DLGAP4: variants seen among roughly 807,000 people sequenced by gnomAD.
The protein encoded by DLGAP4 is disks large-associated protein 4.
DLGAP4 carries 18 observed loss-of-function variants against 86.9 expected under a neutral mutation model. That is an observed-to-expected ratio of 0.21 (90% CI 0.14 to 0.31). The LOEUF is 0.31. Among genes scored for constraint, DLGAP4 ranks in the 10% least tolerant of loss-of-function variants. The pLI, the probability that DLGAP4 is intolerant of heterozygous loss-of-function variation, is 1.00. For synonymous variants in DLGAP4, 548 were observed against 574.3 expected (o/e 0.95, Z 0.65); for missense variants, 1,085 against 1,362.6 (o/e 0.80, Z 3.21).
chr20:36,384,221 TAGAG>T lies in DLGAP4; in HGVS notation c.-73+16949_-73+16952del, dbSNP rs1177531105. Among the ~76,000 whole-genome samples, 3 of 152,166 alleles carry T rather than the reference TAGAG, an allele frequency of 2.0e-5. No individual in the cohort carries two copies. In the East Asian group the frequency reaches 5.8e-4, roughly 29 times the overall value. On this transcript the variant is annotated intron_variant, in intron 2 of 12. Coordinates refer to ENST00000339266, the MANE Select transcript of DLGAP4 (RefSeq NM_001365621.2). The stretch of plus-strand genomic sequence containing the variant: ...GGGGTGTTGTCCGTGGTGCTGAAGA[TAGAG>T]AGGGTAGAGATTTGGCCTGGTCCCG...
chr20:36,408,325 A>G (rs1307091988), intron 2 of DLGAP4, among the ~76,000 whole-genome samples: 1 of 151,896 alleles, frequency 6.6e-6, no homozygotes, highest in Non-Finnish European at 1.5e-5. Flanking sequence ...CAGCTCCGCT[A>G]AAGACCCCTG....
At chr20:36,456,472 C>T (rs929444868) in intron 7 of DLGAP4, among the ~76,000 whole-genome samples, 2 of 152,174 alleles carry the variant, frequency 1.3e-5, no homozygotes, top group Admixed American at 1.3e-4. Flanking sequence ...AGGTAAGTGA[C>T]AGTGAGGTCA....
intron 7 of DLGAP4, among the ~76,000 whole-genome samples, chr20:36,451,351 G>A (rs2033730731): frequency 6.6e-6 from 1 of 152,030 alleles, no homozygotes; most frequent in African/African-American, 2.4e-5. Context: ...CTGGTATCTT[G>A]ATTGATTGAT....
At chr20:36,476,516 A>G (rs1156407935) in intron 7 of DLGAP4, among the ~76,000 whole-genome samples, 1 of 148,872 alleles carries the variant, frequency 6.7e-6, no homozygotes. Flanking sequence ...TTTAGTAGAA[A>G]CAGGGTTTCA....
Position 36,369,259 on chromosome 20 carries a change from T to C in DLGAP4, c.-73+1984T>C, listed in dbSNP as rs545340498. 3.3e-3 allele frequency among the ~76,000 whole-genome samples: 509 copies of C among 151,988 alleles called. 2 individuals are homozygous for C. The highest frequency in any genetic ancestry group is 5.4e-3 in the Admixed American group (82 of 15,280). On this transcript the variant is annotated intron_variant, in intron 2 of 12. Coordinates refer to ENST00000339266, the MANE Select transcript of DLGAP4 (RefSeq NM_001365621.2). ...GAGACCTGGTTGAATCACAGCAGAG[T>C]GGCCACACAGTCATTTATTTTTTTT... is the stretch of plus-strand genomic sequence containing the variant.
At position 36,525,979 on chromosome 20, in the gene DLGAP4, G is replaced by C. The variant is rs1249108763; in HGVS notation, c.2733G>C (p.Gln911His). 6.2e-7 allele frequency: 1 copy of C among 1,613,784 alleles called. No homozygotes were observed. The highest frequency in any genetic ancestry group is 8.5e-7 in the Non-Finnish European group (1 of 1,179,922). ...ACCACCTCAAGGCCAACAGCTGGCA[G>C]CTGGTGGAGACCCCCGAGAAGAGGA... ...ELYHLKANSWQLVETPEKRKE... is the reference protein window; with the variant it reads ...ELYHLKANSWHLVETPEKRKE... Residue 911 changes from glutamine (Q) to histidine (H), a missense_variant, in exon 12 of 13, where the codon CAG becomes CAC. By Grantham distance (24) the Gln-to-His change is conservative (BLOSUM62 0). Transcript: ENST00000339266.
chr20:36,356,437 G>A (rs1480966875), intron 1 of DLGAP4, among the ~76,000 whole-genome samples: 1 of 152,164 alleles, frequency 6.6e-6, no homozygotes, highest in African/African-American at 2.4e-5. Context: ...TCAGCCTCCC[G>A]AGTCACTGGG....
At chr20:36,497,611 C>T (rs955210234) in intron 8 of DLGAP4, 9 of 987,702 alleles carry the variant, frequency 9.1e-6, no homozygotes, top group African/African-American at 1.7e-5. Context: ...AGGTAGGTGG[C>T]TTGAGGTACC....
At chr20:36,399,368 C>A (rs1013629198) in intron 2 of DLGAP4, among the ~76,000 whole-genome samples, 2 of 152,260 alleles carry the variant, frequency 1.3e-5, no homozygotes, top group African/African-American at 2.4e-5. Flanking sequence ...GTTTCCTTAT[C>A]TATAAAATGA....
intron 7 of DLGAP4, among the ~76,000 whole-genome samples, chr20:36,456,450 G>T (rs1354830446): frequency 6.6e-6 from 1 of 152,230 alleles, no homozygotes; most frequent in African/African-American, 2.4e-5. Flanking sequence ...TCACAGGTTG[G>T]TGCAGTGGTC....
chr20:36,316,651 G>A (rs960230349), intron 1 of DLGAP4, among the ~76,000 whole-genome samples: 68 of 152,314 alleles, frequency 4.5e-4, no homozygotes, highest in Middle Eastern at 3.4e-3. Context: ...GAGCCTGGTA[G>A]TCCAGGAAGG....
chr20:36,505,956 C>A (rs1001678048), intron 10 of DLGAP4, among the ~76,000 whole-genome samples: 2 of 152,112 alleles, frequency 1.3e-5, no homozygotes, highest in African/African-American at 4.8e-5. Context: ...AAAATTGATA[C>A]ATAAGTAGAT....
intron 4 of DLGAP4, among the ~76,000 whole-genome samples, chr20:36,439,039 G>A (rs2147559139): frequency 6.6e-6 from 1 of 152,204 alleles, no homozygotes; most frequent in South Asian, 2.1e-4. Flanking sequence ...AGGAAGCCTG[G>A]GGCTTAAGCC....
intron 2 of DLGAP4, among the ~76,000 whole-genome samples, chr20:36,386,787 T>TGTTGCCAG (rs1431210942): frequency 1.3e-5 from 2 of 152,228 alleles, no homozygotes; most frequent in Non-Finnish European, 2.9e-5. Context: ...AGTCTCACTG[T>TGTTGCCAG]GTTGCCAGGG....
intron 1 of DLGAP4, among the ~76,000 whole-genome samples, chr20:36,324,645 AT>A (rs2065199735): frequency 6.6e-6 from 1 of 152,048 alleles, no homozygotes; most frequent in African/African-American, 2.4e-5. Context: ...TAAATGTGAG[AT>A]TTGTTGTTGT....
In DLGAP4 at chr20:36,432,538, C is replaced by T; in HGVS notation, c.821C>T (p.Pro274Leu). Reference protein sequence around the residue: ...LTAPPPPPAPPATCPSLGVGT... With the variant: ...LTAPPPPPAPLATCPSLGVGT... Reference sequence around the variant, plus strand: ...GCCCCACCACCCCCGCCCGCACCCCCAGCCACCTGCCCCAGCCTTGGGGTG... The same window carrying T: ...GCCCCACCACCCCCGCCCGCACCCCTAGCCACCTGCCCCAGCCTTGGGGTG... The change falls in exon 3 of 13, where the codon CCA becomes CTA. Residue 274 changes from proline to leucine, a missense_variant. Around this residue, in one of 2 missense-constraint regions of DLGAP4, gnomAD observed 1,082 missense variants for 1,344.1 expected, o/e 0.81. Transcript: ENST00000339266. The surrounding 1 kb of genome is among the most constrained non-coding windows in gnomAD (Gnocchi z 6.5). 1 of 1,606,376 alleles carries T rather than the reference C, an allele frequency of 6.2e-7. No individual in the cohort carries two copies. The highest frequency in any genetic ancestry group is 1.7e-5 in the Admixed American group (1 of 59,368).
intron 4 of DLGAP4, among the ~76,000 whole-genome samples, chr20:36,438,371 C>CA (rs201711407): frequency 9.6e-4 from 75 of 78,040 alleles, no homozygotes; most frequent in Non-Finnish European, 1.7e-3. Flanking sequence ...GAGACTGTCT[C>CA]AAAAAAAAAT....
intron 7 of DLGAP4, among the ~76,000 whole-genome samples, chr20:36,475,304 G>A (rs149174740): frequency 7.9e-5 from 12 of 152,224 alleles, no homozygotes; most frequent in Middle Eastern, 3.4e-3. Context: ...CTCGCCTGCC[G>A]GGTTCAAGTG....
At chr20:36,409,830 G>T (rs1217130520) in intron 2 of DLGAP4, among the ~76,000 whole-genome samples, 1 of 151,700 alleles carries the variant, frequency 6.6e-6, no homozygotes, top group South Asian at 2.1e-4. Flanking sequence ...TCAGGAGATC[G>T]AGACCATCCT....
Sources: gnomAD v4.1 joint callset for allele counts (sites outside exome capture counted in the v4.1 genomes callset) on GRCh38, gnomAD v4.1.1 for gene constraint, gnomAD v4.1.1 regional missense constraint, Gnocchi (gnomAD v3.1) non-coding constraint, MANE v1.5 for transcripts, NCBI Gene and HGNC (gene_info 2026-07-23, HGNC 2026-07-21) for gene names.